The following PRKN variants were observed in gnomAD, a reference collection of about 807,000 sequenced individuals.
PRKN encodes parkin RBR E3 ubiquitin protein ligase, also known as E3 ubiquitin-protein ligase parkin.
PRKN carries 56 observed loss-of-function variants against 59.5 expected under a neutral mutation model. The observed-to-expected ratio is 0.94, with a 90% CI of 0.76 to 1.18. The LOEUF (loss-of-function observed/expected upper bound fraction) is 1.18. Ranked by LOEUF, PRKN falls within the 50% of genes most tolerant of loss-of-function variation. The pLI, the probability that PRKN is intolerant of heterozygous loss-of-function variation, is 0.00. For synonymous variants in PRKN, 250 were observed against 222.1 expected (o/e 1.13, Z -1.12); for missense variants, 657 against 596.4 (o/e 1.10, Z -1.06).
intron 7 of PRKN, among the ~76,000 whole-genome samples, chr6:161,652,006 G>A (rs1784166830): frequency 6.6e-6 from 1 of 152,192 alleles, no homozygotes; most frequent in Non-Finnish European, 1.5e-5. Context: ...CACTCTGCAA[G>A]TTTTTCCAAC....
rs531179800 is a variant in PRKN, at chr6:161,745,557, G to C, written c.871+40215C>G. On this transcript the variant is annotated intron_variant, in intron 7 of 11. Coordinates refer to ENST00000366898, the MANE Select transcript of PRKN (RefSeq NM_004562.3). The stretch of plus-strand genomic sequence containing the variant: ...GGGGTCAGGATGCATGCTTTCTCTT[G>C]CTGTTGGAACGTGAATATCTTGTAG... 2.6e-5 allele frequency among the ~76,000 whole-genome samples: 4 copies of C among 152,326 alleles called. No homozygotes were observed. The East Asian group carries it at 5.8e-4, about 22-fold the overall frequency.
intron 6 of PRKN, among the ~76,000 whole-genome samples, chr6:161,821,962 T>C (rs2128216467): frequency 6.6e-6 from 1 of 152,160 alleles, no homozygotes; most frequent in East Asian, 1.9e-4. Flanking sequence ...TGGACCAGGC[T>C]GGTCTTGAAC....
chr6:161,973,693 C>A (rs1011062075), intron 5 of PRKN, among the ~76,000 whole-genome samples: 1 of 152,118 alleles, frequency 6.6e-6, no homozygotes, highest in African/African-American at 2.4e-5. Flanking sequence ...TTAAGCCATG[C>A]CCCTCGATGA....
intron 6 of PRKN, among the ~76,000 whole-genome samples, chr6:161,965,708 C>T (rs922949045): frequency 3.3e-5 from 5 of 152,002 alleles, no homozygotes; most frequent in African/African-American, 1.2e-4. Context: ...TTAGTTTGGT[C>T]GAGAAAGGTG....
chr6:161,653,315 G>C (rs907787086), intron 7 of PRKN, among the ~76,000 whole-genome samples: 1 of 152,208 alleles, frequency 6.6e-6, no homozygotes, highest in Non-Finnish European at 1.5e-5. Context: ...AGTGAGCCGA[G>C]ATCACGCCAC....
intron 6 of PRKN, among the ~76,000 whole-genome samples, chr6:161,949,282 C>T (rs553464374): frequency 6.6e-6 from 1 of 152,252 alleles, no homozygotes; most frequent in Admixed American, 6.5e-5. Context: ...GAGGCCGAGG[C>T]GGGTGGATCA....
chr6:162,060,388 C>G (rs1778050540), intron 4 of PRKN, among the ~76,000 whole-genome samples: 1 of 152,186 alleles, frequency 6.6e-6, no homozygotes. Context: ...CTGGTCCTGA[C>G]TAATGTTACT....
chr6:162,721,029 T>C (rs1584115693), intron 1 of PRKN, among the ~76,000 whole-genome samples: 2 of 152,210 alleles, frequency 1.3e-5, no homozygotes, highest in African/African-American at 4.8e-5. Context: ...ATAAGAACTT[T>C]TTAAAAAGAA....
At position 161,549,117 on chromosome 6, in the gene PRKN, CATGTGTGT is replaced by C. The variant is rs1185479271; in HGVS notation, c.934-122_934-115del. The C allele has an allele frequency of 2.8e-5, 31 of 1,092,898 alleles. No individual in the cohort carries two copies. The highest frequency in any genetic ancestry group is 2.0e-4 in the Middle Eastern group (1 of 4,940). The allele number at this position is 1,092,898 out of a possible 1,614,324, so 67.7% of individuals were successfully genotyped here. On this transcript the variant is annotated intron_variant, in intron 8 of 11. Coordinates refer to ENST00000366898, the MANE Select transcript of PRKN (RefSeq NM_004562.3). The surrounding 1 kb of genome is among the most constrained non-coding windows in gnomAD (Gnocchi z 6.0). ...CTTAACCAGTTTCAGTAAAATAATGCATGTGTGTGTGTGTGTGTGTGTGTAGGGGGAGG... is the reference window on the plus strand; with the variant it reads ...CTTAACCAGTTTCAGTAAAATAATGCGTGTGTGTGTGTGTGTAGGGGGAGG...
chr6:162,059,659 T>G (rs1778014386), intron 4 of PRKN, among the ~76,000 whole-genome samples: 1 of 152,216 alleles, frequency 6.6e-6, no homozygotes, highest in Non-Finnish European at 1.5e-5. Context: ...ATTTCATCCC[T>G]CAAATCTACC....
At position 161,431,262 on chromosome 6, in the gene PRKN, A is replaced by T. The variant is rs117406568; in HGVS notation, c.1084-44385T>A. Among the ~76,000 whole-genome samples, 815 of 152,298 alleles carry T rather than the reference A, an allele frequency of 5.4e-3. 12 individuals are homozygous for T. The East Asian group carries it at 0.06, about 11-fold the overall frequency. ...AGTATATCATTAACTGGAAAGAAAT[A>T]AACCTTGAGCCACTGAAGAAATGGC... On this transcript the variant is annotated intron_variant, in intron 9 of 11. Transcript: ENST00000366898.
intron 10 of PRKN, among the ~76,000 whole-genome samples, chr6:161,364,167 T>TGCCACCACCCGC (rs1562395968): frequency 1.7e-5 from 1 of 60,054 alleles, no homozygotes; most frequent in Non-Finnish European, 2.9e-5. Context: ...AGACTCCGTC[T>TGCCACCACCCGC]CAAAAAAAAA....
chr6:162,360,320 T>A (rs1785081176), intron 2 of PRKN, among the ~76,000 whole-genome samples: 1 of 152,170 alleles, frequency 6.6e-6, no homozygotes, highest in Admixed American at 6.5e-5. Flanking sequence ...AATTCCTAAT[T>A]TTTCTGTGAA....
chr6:161,581,208 C>CA lies in PRKN; in HGVS notation c.872-11793dup, dbSNP rs780285837. Among the ~76,000 whole-genome samples, 7,827 of 118,354 alleles carry CA rather than the reference C, an allele frequency of 0.066. 249 individuals carry two copies. The highest frequency in any genetic ancestry group is 0.11 in the African/African-American group (3,641 of 32,312). 77.6% of individuals were successfully genotyped at this position (118,354 alleles called of 152,430 possible). A position where few individuals can be genotyped will look rare whatever the true frequency, so the allele number is the denominator to read the frequency against. The stretch of plus-strand genomic sequence containing the variant: ...TGGGCAACAGAGTGAGACTCTGTCT[C>CA]AAAAAAAAAAAAAAAGTTTCTCTAT... On this transcript the variant is annotated intron_variant, in intron 7 of 11. Transcript: ENST00000366898. The surrounding 1 kb of genome is among the most constrained non-coding windows in gnomAD (Gnocchi z 4.5).
chr6:162,562,921 T>C (rs1175491013), intron 1 of PRKN, among the ~76,000 whole-genome samples: 2 of 152,178 alleles, frequency 1.3e-5, no homozygotes, highest in East Asian at 1.9e-4. Context: ...AACAAAGTCA[T>C]AGTGGTGGTG....
chr6:162,245,259 C>T (rs929000200), intron 3 of PRKN, among the ~76,000 whole-genome samples: 2 of 151,994 alleles, frequency 1.3e-5, no homozygotes, highest in Admixed American at 6.6e-5. Flanking sequence ...AATTTCTGTC[C>T]AGTGGAGCAG....
intron 2 of PRKN, among the ~76,000 whole-genome samples, chr6:162,345,623 T>A (rs1300699616): frequency 6.6e-6 from 1 of 152,204 alleles, no homozygotes; most frequent in Non-Finnish European, 1.5e-5. Context: ...CACGCAATTT[T>A]AAATGGTAGC....
At chr6:162,478,054 A>G (rs761134510) in intron 1 of PRKN, among the ~76,000 whole-genome samples, 9 of 152,150 alleles carry the variant, frequency 5.9e-5, no homozygotes, top group Non-Finnish European at 8.8e-5. Context: ...CACAGGGCGA[A>G]CATGGTTATC....
chr6:161,950,365 C>T (rs779167271), intron 6 of PRKN, among the ~76,000 whole-genome samples: 4 of 151,962 alleles, frequency 2.6e-5, no homozygotes. Flanking sequence ...GCCAATAAGA[C>T]GAAATCCTGT....
Sources: allele counts gnomAD v4.1 joint callset (sites outside exome capture counted in the v4.1 genomes callset), GRCh38; gene constraint gnomAD v4.1.1; non-coding constraint Gnocchi (gnomAD v3.1); transcripts MANE v1.5; gene names NCBI Gene and HGNC (gene_info 2026-07-23, HGNC 2026-07-21).